Variants in PCDHGB3 observed in about 807,000 individuals in gnomAD.
PCDHGB3 encodes protocadherin gamma-B3.
A neutral mutation model predicts 59.2 loss-of-function variants in PCDHGB3; 40 were observed. The observed-to-expected ratio is 0.68, with a 90% confidence interval of 0.52 to 0.88. The LOEUF is 0.88. PCDHGB3 is among the 40% of genes least tolerant of loss of function. The probability of loss-of-function intolerance (pLI) is 0.00; values close to 1 mark genes in which losing one functional copy is unlikely to be tolerated. For synonymous variants in PCDHGB3, 581 were observed against 503.6 expected, an observed-to-expected ratio of 1.15 and a Z score of -2.06; for missense variants, 1,309 against 1,187.9, an observed-to-expected ratio of 1.10 and a Z score of -1.50.
intron 1 of PCDHGB3, chr5:141,398,495 T>G: frequency 1.2e-6 from 2 of 1,610,214 alleles, no homozygotes; most frequent in Non-Finnish European, 1.7e-6. Context: ...AATGTGGAGA[T>G]CGAGGACATT....
intron 1 of PCDHGB3, among the ~76,000 whole-genome samples, chr5:141,472,590 C>G (rs1161871973): frequency 6.6e-6 from 1 of 151,908 alleles, no homozygotes; most frequent in African/African-American, 2.4e-5. Flanking sequence ...GTCAGAAGCT[C>G]TCTTGAAATT....
chr5:141,460,224 T>C (rs986301555), intron 1 of PCDHGB3, among the ~76,000 whole-genome samples: 1 of 152,168 alleles, frequency 6.6e-6, no homozygotes, highest in African/African-American at 2.4e-5. Context: ...GTTGTGTCTT[T>C]TGAAGAGCAG....
At chr5:141,442,701 A>AG (rs1388473196) in intron 1 of PCDHGB3, among the ~76,000 whole-genome samples, 5 of 152,258 alleles carry the variant, frequency 3.3e-5, no homozygotes, top group Non-Finnish European at 7.3e-5. Flanking sequence ...AGACAAGAGT[A>AG]TCAGACATGC....
chr5:141,400,566 A>G (rs754437274), intron 1 of PCDHGB3: 94 of 1,612,572 alleles, frequency 5.8e-5, no homozygotes, highest in Non-Finnish European at 7.7e-5. Flanking sequence ...TACCCACCCA[A>G]TTTTCTGTAT....
chr5:141,498,960 G>GGAGA (rs1381042115), intron 2 of PCDHGB3, among the ~76,000 whole-genome samples: 9 of 118,744 alleles, frequency 7.6e-5, no homozygotes, highest in African/African-American at 2.8e-4. Context: ...AGAGAGAGAG[G>GGAGA]GAGGGAGGGA....
At chr5:141,409,898 G>A in intron 1 of PCDHGB3, 1 of 1,613,240 alleles carries the variant, frequency 6.2e-7, no homozygotes, top group Non-Finnish European at 8.5e-7. Flanking sequence ...GCTGTACCCA[G>A]CTCTGGGTCC....
chr5:141,488,222 G>A (rs1351438124), intron 1 of PCDHGB3, among the ~76,000 whole-genome samples: 1 of 152,104 alleles, frequency 6.6e-6, no homozygotes, highest in Admixed American at 6.5e-5. Flanking sequence ...TCCCTACTGG[G>A]GATTTGAACT....
intron 1 of PCDHGB3, chr5:141,374,746 C>T (rs1242744421): frequency 2.5e-6 from 4 of 1,612,108 alleles, no homozygotes; most frequent in East Asian, 4.5e-5. Context: ...GCGACCCTGT[C>T]CGCTCAAGCG....
At chr5:141,386,979 T>C (rs2090768348) in intron 1 of PCDHGB3, among the ~76,000 whole-genome samples, 1 of 152,202 alleles carries the variant, frequency 6.6e-6, no homozygotes, top group South Asian at 2.1e-4. Flanking sequence ...ACTTTGTGTT[T>C]TGAGGCTATG....
chr5:141,444,594 T>C (rs2098442338), intron 1 of PCDHGB3, among the ~76,000 whole-genome samples: 1 of 152,244 alleles, frequency 6.6e-6, no homozygotes, highest in South Asian at 2.1e-4. Flanking sequence ...ACTTACCTTA[T>C]TTAAAATTGA....
At chr5:141,425,391 A>G (rs2096872046) in intron 1 of PCDHGB3, among the ~76,000 whole-genome samples, 1 of 152,238 alleles carries the variant, frequency 6.6e-6, no homozygotes, top group South Asian at 2.1e-4. Flanking sequence ...AGGTAGTGAT[A>G]AAGTTCTGTT....
At chr5:141,409,747 C>A in intron 1 of PCDHGB3, 3 of 1,612,994 alleles carry the variant, frequency 1.9e-6, no homozygotes, top group South Asian at 1.1e-5. Flanking sequence ...GGGTGGTGTT[C>A]GCGCAGCGCG....
At chr5:141,433,699 T>C (rs2097645911) in intron 1 of PCDHGB3, among the ~76,000 whole-genome samples, 1 of 152,082 alleles carries the variant, frequency 6.6e-6, no homozygotes, top group Non-Finnish European at 1.5e-5. Flanking sequence ...TAGCCGGGCG[T>C]GGTGGTGCAT....
chr5:141,478,409 G>A, intron 1 of PCDHGB3: 1 of 1,613,016 alleles, frequency 6.2e-7, no homozygotes, highest in South Asian at 1.1e-5. Flanking sequence ...TCTCACCACG[G>A]ACTCCCGCCG....
intron 1 of PCDHGB3, chr5:141,409,027 TGA>T: frequency 1.9e-6 from 3 of 1,613,978 alleles, no homozygotes; most frequent in Non-Finnish European, 2.5e-6. Context: ...GGGTCAATGC[TGA>T]GATAAACTAC....
intron 1 of PCDHGB3, among the ~76,000 whole-genome samples, chr5:141,380,906 G>A (rs528730354): frequency 1.3e-3 from 196 of 152,328 alleles, no homozygotes; most frequent in Non-Finnish European, 2.0e-3. Flanking sequence ...ATCTACAAGT[G>A]CTTACATTGT....
chr5:141,409,106 A>T (rs1474106494), intron 1 of PCDHGB3: 1 of 1,613,930 alleles, frequency 6.2e-7, no homozygotes, highest in East Asian at 2.2e-5. Context: ...AGGTATGATT[A>T]AGAATAACCA....
chr5:141,403,634 A>C, intron 1 of PCDHGB3: 1 of 1,613,920 alleles, frequency 6.2e-7, no homozygotes, highest in Non-Finnish European at 8.5e-7. Context: ...CACAGTGCGC[A>C]TCCATGTGAC....
intron 1 of PCDHGB3, chr5:141,374,190 C>T: frequency 6.2e-7 from 1 of 1,613,820 alleles, no homozygotes; most frequent in Non-Finnish European, 8.5e-7. Context: ...TACTCTATTC[C>T]CGAGGAGCTG....
Sources: allele counts gnomAD v4.1 joint callset (sites outside exome capture counted in the v4.1 genomes callset), GRCh38; gene constraint gnomAD v4.1.1; transcripts MANE v1.5; gene names NCBI Gene and HGNC (gene_info 2026-07-23, HGNC 2026-07-21).